Variants in LURAP1L observed in about 807,000 individuals in gnomAD.
LURAP1L encodes leucine rich adaptor protein 1-like.
LURAP1L carries 12 observed loss-of-function variants against 13.8 expected under a neutral mutation model. The ratio of observed to expected loss-of-function variants is 0.87; its 90% CI spans 0.56 to 1.41. The LOEUF (loss-of-function observed/expected upper bound fraction) is 1.41, where lower values mean the gene tolerates loss of function less well. Among genes scored for constraint, LURAP1L ranks in the 40% most tolerant of loss-of-function variants. LURAP1L has a pLI of 0.00. For synonymous variants in LURAP1L, 139 were observed against 119.2 expected, an observed-to-expected ratio of 1.17 and a Z score of -1.08; for missense variants, 375 against 292.9, an observed-to-expected ratio of 1.28 and a Z score of -2.04.
chr9:12,775,778 C>G lies in LURAP1L; in HGVS notation c.63C>G (p.Pro21=). 6.2e-7 allele frequency: 1 copy of G among 1,609,922 alleles called. No homozygotes were observed. The highest frequency in any genetic ancestry group is 8.5e-7 in the Non-Finnish European group (1 of 1,178,786). The change falls in exon 1 of 2, where the codon CCC becomes CCG. Residue 21 remains proline (P), a synonymous_variant. Coordinates refer to ENST00000319264, the MANE Select transcript of LURAP1L (RefSeq NM_203403.2). ...DIELKLGRKV[P]ESLVRSLRGE... ...AGCTGAAGCTGGGGCGCAAAGTACCCGAGAGTCTAGTGCGCTCTCTCCGTG... is the reference window on the plus strand; with the variant it reads ...AGCTGAAGCTGGGGCGCAAAGTACCGGAGAGTCTAGTGCGCTCTCTCCGTG...
At chr9:12,778,532 T>C (rs1354563009) in intron 1 of LURAP1L, among the ~76,000 whole-genome samples, 2 of 152,198 alleles carry the variant, frequency 1.3e-5, no homozygotes, top group Non-Finnish European at 2.9e-5. Flanking sequence ...GTTCCGTTGA[T>C]CTTACAAAAG....
intron 1 of LURAP1L, among the ~76,000 whole-genome samples, chr9:12,782,133 G>A (rs771598884): frequency 6.6e-6 from 1 of 152,124 alleles, no homozygotes; most frequent in Non-Finnish European, 1.5e-5. Context: ...AGTTGTTTGA[G>A]CTACTTATGT....
chr9:12,788,906 TA>T (rs1319621364), intron 1 of LURAP1L, among the ~76,000 whole-genome samples: 6 of 150,206 alleles, frequency 4.0e-5, no homozygotes, highest in African/African-American at 1.5e-4. Context: ...TATATATATA[TA>T]TATATTTTTA....
chr9:12,806,589 C>G (rs904953225), intron 1 of LURAP1L, among the ~76,000 whole-genome samples: 3 of 151,968 alleles, frequency 2.0e-5, no homozygotes, highest in Admixed American at 6.6e-5. Flanking sequence ...TCAAACTTTG[C>G]TTTATTTTCA....
At chr9:12,777,803 T>C (rs905745818) in intron 1 of LURAP1L, among the ~76,000 whole-genome samples, 1 of 152,210 alleles carries the variant, frequency 6.6e-6, no homozygotes, top group Non-Finnish European at 1.5e-5. Context: ...TGTTGTCCTG[T>C]AGAGAAGTCA....
At chr9:12,806,032 T>C (rs1205564763) in intron 1 of LURAP1L, among the ~76,000 whole-genome samples, 1 of 152,206 alleles carries the variant, frequency 6.6e-6, no homozygotes, top group South Asian at 2.1e-4. Context: ...CTGTTTGTGA[T>C]TCACCCCAGG....
chr9:12,810,100 T>C (rs1819716269), intron 1 of LURAP1L, among the ~76,000 whole-genome samples: 1 of 152,150 alleles, frequency 6.6e-6, no homozygotes, highest in Admixed American at 6.5e-5. Context: ...AGGGACAAGC[T>C]TTTTTAAGGA....
intron 1 of LURAP1L, among the ~76,000 whole-genome samples, chr9:12,792,031 G>T (rs1308108001): frequency 3.9e-5 from 6 of 152,102 alleles, no homozygotes; most frequent in African/African-American, 1.4e-4. Flanking sequence ...TCTGCCTAAA[G>T]CATAGGAGGG....
At chr9:12,788,148 G>GA (rs146580464) in intron 1 of LURAP1L, among the ~76,000 whole-genome samples, 3 of 117,424 alleles carry the variant, frequency 2.6e-5, no homozygotes, top group Admixed American at 9.3e-5. Flanking sequence ...GAAAGAGAAA[G>GA]AAGAAAGAAA....
intron 1 of LURAP1L, among the ~76,000 whole-genome samples, chr9:12,818,340 G>T (rs1819830659): frequency 6.6e-6 from 1 of 152,142 alleles, no homozygotes; most frequent in Middle Eastern, 3.2e-3. Flanking sequence ...TGGCATAGTT[G>T]TTAGGAACGT....
intron 1 of LURAP1L, among the ~76,000 whole-genome samples, chr9:12,811,614 A>G (rs78265294): frequency 0.017 from 2,550 of 152,304 alleles, 76 homozygotes; most frequent in African/African-American, 0.059. Flanking sequence ...ATGTACTGGT[A>G]AAGTATCATG....
intron 1 of LURAP1L, among the ~76,000 whole-genome samples, chr9:12,795,732 T>C (rs1178952767): frequency 6.6e-6 from 1 of 152,080 alleles, no homozygotes; most frequent in East Asian, 1.9e-4. Context: ...AGTCGTCTTG[T>C]ATTTTGGCAC....
At chr9:12,802,339 A>G (rs1160953134) in intron 1 of LURAP1L, among the ~76,000 whole-genome samples, 1 of 152,138 alleles carries the variant, frequency 6.6e-6, no homozygotes, top group African/African-American at 2.4e-5. Flanking sequence ...GGATAGAATC[A>G]TGGTGGTGAT....
At chr9:12,798,379 C>G (rs1156302026) in intron 1 of LURAP1L, among the ~76,000 whole-genome samples, 1 of 152,150 alleles carries the variant, frequency 6.6e-6, no homozygotes, top group Non-Finnish European at 1.5e-5. Flanking sequence ...AACACTATGA[C>G]ATGAAACATA....
At chr9:12,778,564 G>T (rs1050097051) in intron 1 of LURAP1L, among the ~76,000 whole-genome samples, 1 of 152,164 alleles carries the variant, frequency 6.6e-6, no homozygotes, top group African/African-American at 2.4e-5. Flanking sequence ...GGATAATGTG[G>T]ATTTGGGACT....
intron 1 of LURAP1L, among the ~76,000 whole-genome samples, chr9:12,805,988 C>T (rs899061004): frequency 6.6e-6 from 1 of 152,182 alleles, no homozygotes; most frequent in South Asian, 2.1e-4. Context: ...AATCAGAAGA[C>T]AAATCTGACA....
rs72702671 is a variant in LURAP1L, at chr9:12,801,348, G to A, written c.313-20038G>A. Among the ~76,000 whole-genome samples, 708 of 151,624 alleles carry A rather than the reference G, an allele frequency of 4.7e-3. 3 individuals are homozygous for A. Among genetic ancestry groups the A allele is most frequent in the Non-Finnish European group, 6.8e-3 (459 of 67,884 alleles). On this transcript the variant is annotated intron_variant, in intron 1 of 1. Transcript: ENST00000319264. ...GATGGCTAAAGCTGTTAAGAAACTC[G>A]CTCATGGTGAAGTTGTGAATGAGGA... is the stretch of plus-strand genomic sequence containing the variant.
At chr9:12,786,616 T>A (rs1190623965) in intron 1 of LURAP1L, among the ~76,000 whole-genome samples, 1 of 138,488 alleles carries the variant, frequency 7.2e-6, no homozygotes, top group Non-Finnish European at 1.6e-5. Flanking sequence ...TAGCTCAAAA[T>A]CATCTTAGAT....
At chr9:12,807,864 C>T (rs1269801490) in intron 1 of LURAP1L, among the ~76,000 whole-genome samples, 1 of 151,800 alleles carries the variant, frequency 6.6e-6, no homozygotes, top group Non-Finnish European at 1.5e-5. Flanking sequence ...ATTAATTATA[C>T]TTCTTTTTTA....
Sources: allele counts gnomAD v4.1 joint callset (sites outside exome capture counted in the v4.1 genomes callset), GRCh38; gene constraint gnomAD v4.1.1; transcripts MANE v1.5; gene names NCBI Gene and HGNC (gene_info 2026-07-23, HGNC 2026-07-21).